EDNRB: variants seen among roughly 807,000 people sequenced by gnomAD.
EDNRB encodes Hirschsprung disease 2.
In EDNRB, 18 loss-of-function variants were observed where a neutral mutation model predicts 46.4. The observed-to-expected ratio is 0.39, with a 90% confidence interval of 0.27 to 0.57. The LOEUF is 0.57. EDNRB is among the 20% of genes least tolerant of loss of function. The pLI, the probability that EDNRB is intolerant of heterozygous loss-of-function variation, is 0.61. For synonymous variants in EDNRB, 213 were observed against 204.9 expected, an observed-to-expected ratio of 1.04 and a Z score of -0.34; for missense variants, 434 against 537.5, an observed-to-expected ratio of 0.81 and a Z score of 1.90.
chr13:77,935,272 C>G (rs536405293), intron 1 of EDNRB, among the ~76,000 whole-genome samples: 2 of 152,160 alleles, frequency 1.3e-5, no homozygotes, highest in African/African-American at 4.8e-5. Context: ...GGCTACAGGG[C>G]GCAGTCCCAG....
intron 1 of EDNRB, among the ~76,000 whole-genome samples, chr13:77,934,799 G>A (rs1163125446): frequency 6.6e-6 from 1 of 152,128 alleles, no homozygotes; most frequent in African/African-American, 2.4e-5. Flanking sequence ...CTAAGAGGCA[G>A]GCTGGTGGCT....
rs559020645 is a variant in EDNRB at position 77,959,338 on chromosome 13, C to T, written c.-52+16009G>A. On this transcript the variant is annotated intron_variant, in intron 1 of 7. Coordinates refer to the EDNRB transcript ENST00000646948. ...CACATGGCCAGGTTCCCCTCTGAGACGAAGCTTCCAGAGGAACGATCAGGC... is the reference window on the plus strand; with the variant it reads ...CACATGGCCAGGTTCCCCTCTGAGATGAAGCTTCCAGAGGAACGATCAGGC... Among the ~76,000 whole-genome samples, 16 of 152,318 alleles carry T rather than the reference C, an allele frequency of 1.1e-4. No individual in the cohort carries two copies. In the East Asian group the frequency reaches 1.5e-3, roughly 15 times the overall value.
intron 1 of EDNRB, among the ~76,000 whole-genome samples, chr13:77,909,000 T>C (rs1025257881): frequency 6.6e-6 from 1 of 152,032 alleles, no homozygotes; most frequent in East Asian, 1.9e-4. Context: ...TAAGTCCTGC[T>C]GGCAATATGG....
At chr13:77,910,127 G>A (rs1301237523) in intron 1 of EDNRB, among the ~76,000 whole-genome samples, 4 of 152,106 alleles carry the variant, frequency 2.6e-5, no homozygotes, top group Non-Finnish European at 4.4e-5. Flanking sequence ...AAGTTTCGTG[G>A]AAGTAGATGC....
At chr13:77,941,813 C>G (rs1483674199) in intron 1 of EDNRB, among the ~76,000 whole-genome samples, 1 of 152,128 alleles carries the variant, frequency 6.6e-6, no homozygotes, top group African/African-American at 2.4e-5. Context: ...TTAAATAAAG[C>G]AAAAGCCTTG....
chr13:77,934,982 C>T (rs1566325975), intron 1 of EDNRB, among the ~76,000 whole-genome samples: 3 of 142,572 alleles, frequency 2.1e-5, no homozygotes, highest in East Asian at 5.5e-4. Flanking sequence ...GGTGTGGTAT[C>T]AGGAATAATG....
chr13:77,948,167 A>T (rs895704221), intron 1 of EDNRB, among the ~76,000 whole-genome samples: 54 of 152,168 alleles, frequency 3.5e-4, no homozygotes, highest in Non-Finnish European at 3.2e-4. Flanking sequence ...GTGCTAGACA[A>T]AAGTCTTCTA....
At chr13:77,945,876 C>CAAAAA (rs67463440) in intron 1 of EDNRB, among the ~76,000 whole-genome samples, 3 of 115,592 alleles carry the variant, frequency 2.6e-5, no homozygotes, top group Non-Finnish European at 5.3e-5. Context: ...TGCAAAAAAC[C>CAAAAA]AAAAAAAAAA....
intron 1 of EDNRB, among the ~76,000 whole-genome samples, chr13:77,972,013 C>G (rs1881750638): frequency 6.6e-6 from 1 of 152,172 alleles, no homozygotes; most frequent in Non-Finnish European, 1.5e-5. Flanking sequence ...TCATCGCATC[C>G]CTTCAGGTCT....
intron 1 of EDNRB, among the ~76,000 whole-genome samples, chr13:77,959,323 G>C (rs1881333314): frequency 6.6e-6 from 1 of 152,164 alleles, no homozygotes; most frequent in Admixed American, 6.5e-5. Context: ...CACATGGCCA[G>C]GTTCCCCTCT....
chr13:77,918,982 C>T, upstream of EDNRB: 1 of 995,210 alleles, frequency 1.0e-6, no homozygotes, highest in Non-Finnish European at 1.3e-6. This position sits in a 1 kb window ranked among gnomAD's most constrained non-coding sequence, Gnocchi z 4.5. Flanking sequence ...GTTAAGCGTG[C>T]GTGGGAACCG....
intron 1 of EDNRB, among the ~76,000 whole-genome samples, chr13:77,936,374 G>T (rs1040661837): frequency 6.6e-6 from 1 of 152,316 alleles, no homozygotes; most frequent in East Asian, 1.9e-4. Context: ...TGGCACCAGA[G>T]TTGGGGAGTT....
rs575207196 is a variant in EDNRB at position 77,961,104 on chromosome 13, A to G, written c.-52+14243T>C. Among the ~76,000 whole-genome samples, 16 of 152,306 alleles carry G rather than the reference A, an allele frequency of 1.1e-4. No individual in the cohort carries two copies. The East Asian group carries it at 2.7e-3, about 26-fold the overall frequency. The stretch of plus-strand genomic sequence containing the variant: ...CACACAATAATAATGGGAGACTTTA[A>G]CACCCCACTGTCAACATTAGACAGA... On this transcript the variant is annotated intron_variant, in intron 1 of 7. Transcript: ENST00000646948.
At chr13:77,905,207 G>C (rs1162447986) in intron 1 of EDNRB, among the ~76,000 whole-genome samples, 1 of 151,746 alleles carries the variant, frequency 6.6e-6, no homozygotes, top group Non-Finnish European at 1.5e-5. Flanking sequence ...GTGGGGTCTG[G>C]GGTAAACTTT....
rs145899964 is a variant in EDNRB at position 77,973,998 on chromosome 13, G to A, written c.-52+1349C>T. On this transcript the variant is annotated intron_variant, in intron 1 of 7. Coordinates refer to the EDNRB transcript ENST00000646948. ...CAAAGCAAACTTCTTTTGTGTCTGT[G>A]GACTAGACTGTCTAAGGCCGCAAGA... is the stretch of plus-strand genomic sequence containing the variant. 6.0e-5 allele frequency among the ~76,000 whole-genome samples: 9 copies of A among 149,224 alleles called. No individual in the cohort carries two copies. In the East Asian group the frequency reaches 1.8e-3, roughly 29 times the overall value.
At chr13:77,949,870 T>C (rs190010155) in intron 1 of EDNRB, among the ~76,000 whole-genome samples, 2 of 152,250 alleles carry the variant, frequency 1.3e-5, no homozygotes, top group South Asian at 2.1e-4. Context: ...AACCTTCCCA[T>C]AGTTAACAGG....
intron 1 of EDNRB, among the ~76,000 whole-genome samples, chr13:77,949,327 A>G (rs1881022266): frequency 6.6e-6 from 1 of 152,152 alleles, no homozygotes; most frequent in Admixed American, 6.6e-5. Context: ...AGCAGAATGG[A>G]TAGAGCTTGG....
chr13:77,965,122 A>T (rs1382727627), intron 1 of EDNRB, among the ~76,000 whole-genome samples: 1 of 152,186 alleles, frequency 6.6e-6, no homozygotes, highest in Non-Finnish European at 1.5e-5. Context: ...GCACGTGTTC[A>T]CATTTACAGA....
chr13:77,918,472 G>C lies in EDNRB; in HGVS notation c.102C>G (p.Asp34Glu), dbSNP rs149740482. The change falls in exon 1 of 7, where the codon GAC becomes GAG. Residue 34 changes from aspartate (D) to glutamate (E), a missense_variant. Transcript: ENST00000646607. This position sits in a 1 kb window ranked among gnomAD's most constrained non-coding sequence, Gnocchi z 4.5. Reference protein sequence around the residue: ...IWGEERGFPPDRATPLLQTAE... With the variant: ...IWGEERGFPPERATPLLQTAE... ...CGGTTTGCAAAAGCGGAGTGGCCCTGTCAGGCGGGAAGCCTCTCTCCTCTC... is the reference window on the plus strand; with the variant it reads ...CGGTTTGCAAAAGCGGAGTGGCCCTCTCAGGCGGGAAGCCTCTCTCCTCTC... 1.9e-5 allele frequency: 29 copies of C among 1,562,140 alleles called. No homozygotes were observed. In the African/African-American group the frequency reaches 3.6e-4, roughly 19 times the overall value.
Sources: allele counts gnomAD v4.1 joint callset (sites outside exome capture counted in the v4.1 genomes callset), GRCh38; gene constraint gnomAD v4.1.1; non-coding constraint Gnocchi (gnomAD v3.1); transcripts MANE v1.5; gene names NCBI Gene and HGNC (gene_info 2026-07-23, HGNC 2026-07-21).